The following CFAP91 variants were observed in gnomAD, a reference collection of about 807,000 sequenced individuals.
CFAP91 encodes the protein cilia and flagella associated protein 91.
CFAP91 carries 85 observed loss-of-function variants against 95.9 expected under a neutral mutation model. The ratio of observed to expected loss-of-function variants is 0.89; its 90% confidence interval spans 0.74 to 1.06. CFAP91 has a LOEUF of 1.06. CFAP91 is among the 50% of genes least tolerant of loss of function. CFAP91 has a pLI of 0.00. For missense variants in CFAP91, 962 were observed against 943.4 expected (o/e 1.02, Z -0.26); for synonymous variants, 335 against 327.5 (o/e 1.02, Z -0.25).
In CFAP91 at chr3:119,738,330, G is replaced by GTTTTTTTTTTTTTTTTTTTTTTT. The variant is rs1559761130; in HGVS notation, c.1461+849_1461+850insTTTTTTTTTTTTTTTTTTTTTTT. Among the ~76,000 whole-genome samples the GTTTTTTTTTTTTTTTTTTTTTTT allele has an allele frequency of 2.1e-4, 5 of 23,728 alleles. 1 individual carries two copies. Among genetic ancestry groups the GTTTTTTTTTTTTTTTTTTTTTTT allele is most frequent in the Non-Finnish European group, 4.9e-4 (4 of 8,206 alleles). The allele number at this position is 23,728 out of a possible 152,430, so 15.6% of individuals were successfully genotyped here. A position where few individuals can be genotyped will look rare whatever the true frequency, so the allele number is the denominator to read the frequency against. On this transcript the variant is annotated intron_variant, in intron 11 of 17. Coordinates refer to ENST00000273390, the MANE Select transcript of CFAP91 (RefSeq NM_033364.4). The stretch of plus-strand genomic sequence containing the variant: ...TGTGCAGGGCTTTGGTTGACATATT[G>GTTTTTTTTTTTTTTTTTTTTTTT]TCTTTTTTTTTTTTTTTTTTTTTTT...
rs777918682 is a variant in CFAP91, at chr3:119,740,456, A to C, written c.1534-93A>C. On this transcript the variant is annotated intron_variant, in intron 12 of 17. Transcript: ENST00000273390. The stretch of plus-strand genomic sequence containing the variant: ...AAAGGCAGGACAGAACCCACTGTTC[A>C]CAAGTGTCTCACAAGTCACTGCGTG... 5 of 1,428,448 alleles carry C rather than the reference A, an allele frequency of 3.5e-6. No homozygotes were observed. In the Admixed American group the frequency reaches 7.9e-5, roughly 23 times the overall value. 88.5% of individuals were successfully genotyped at this position (1,428,448 alleles called of 1,614,324 possible). A position where few individuals can be genotyped will look rare whatever the true frequency, so the allele number is the denominator to read the frequency against.
intron 15 of CFAP91, 23 bp downstream of exon 15, chr3:119,747,286 G>A: frequency 6.2e-7 from 1 of 1,603,474 alleles, no homozygotes; most frequent in East Asian, 2.2e-5. Context: ...AGAACAGATT[G>A]TAGAATGGAC....
In CFAP91 at chr3:119,748,101, T is replaced by C. The variant is rs542170783; in HGVS notation, c.2143+199T>C. ...AATCAACTCTAGTACAGATGGGTTG[T>C]AGTTCTAATAAGAGTGACAGTATCA... On this transcript the variant is annotated intron_variant, in intron 16 of 17. Coordinates refer to ENST00000273390, the MANE Select transcript of CFAP91 (RefSeq NM_033364.4). Among the ~76,000 whole-genome samples the C allele has an allele frequency of 4.6e-5, 7 of 152,246 alleles. 1 individual carries two copies. In the South Asian group the frequency reaches 1.4e-3, roughly 31 times the overall value.
At chr3:119,741,643 C>G (rs767109956) in intron 13 of CFAP91, among the ~76,000 whole-genome samples, 1 of 152,146 alleles carries the variant, frequency 6.6e-6, no homozygotes, top group Non-Finnish European at 1.5e-5. Context: ...TTATTTTACT[C>G]CCTCTCCCAC....
chr3:119,737,273 T>C (rs1023563790), intron 10 of CFAP91, 93 bp from the exon 11 acceptor site: 1 of 696,994 alleles, frequency 1.4e-6, no homozygotes, highest in Admixed American at 2.5e-5. Flanking sequence ...CACCATTATG[T>C]AATACATTCA....
chr3:119,732,237 C>G (rs1345560151), intron 8 of CFAP91, 57 bp from the exon 9 acceptor site: 6 of 1,340,342 alleles, frequency 4.5e-6, no homozygotes, highest in Non-Finnish European at 6.2e-6. Context: ...TACTCTTCTG[C>G]ATTTGTAATT....
intron 6 of CFAP91, among the ~76,000 whole-genome samples, chr3:119,718,403 T>A (rs755340540): frequency 2.0e-5 from 3 of 152,108 alleles, no homozygotes; most frequent in Non-Finnish European, 2.9e-5. Flanking sequence ...TATTCCACAA[T>A]GCAACATATA....
intron 8 of CFAP91, among the ~76,000 whole-genome samples, chr3:119,730,686 C>T (rs2053880385): frequency 6.6e-6 from 1 of 150,506 alleles, no homozygotes; most frequent in African/African-American, 2.4e-5. Flanking sequence ...ATTCATGGTC[C>T]ACAGCCCTGG....
At chr3:119,749,197 T>C (rs908104087) in intron 16 of CFAP91, 2 of 152,036 alleles carry the variant, frequency 1.3e-5, no homozygotes, top group African/African-American at 2.4e-5. Context: ...CACCCTAGGA[T>C]TGAAAGAGAG....
intron 1 of CFAP91, among the ~76,000 whole-genome samples, chr3:119,704,379 A>G (rs1172034569): frequency 6.6e-6 from 1 of 152,224 alleles, no homozygotes; most frequent in Non-Finnish European, 1.5e-5. Context: ...GCCGCTAGTC[A>G]TGGACAGGAA....
chr3:119,742,243 T>C (rs1415206211), intron 13 of CFAP91, among the ~76,000 whole-genome samples: 1 of 152,164 alleles, frequency 6.6e-6, no homozygotes, highest in Non-Finnish European at 1.5e-5. Flanking sequence ...TCACTCTGCT[T>C]ACCTTCAGCT....
At chr3:119,727,083 C>G (rs80039978) in intron 7 of CFAP91, among the ~76,000 whole-genome samples, 1,726 of 152,284 alleles carry the variant, frequency 0.011, 41 homozygotes, top group African/African-American at 0.039. Context: ...TTATAACTCT[C>G]TAGCAAGAAC....
At chr3:119,763,170 C>T (rs992816979) in intron 17 of CFAP91, among the ~76,000 whole-genome samples, 12 of 151,978 alleles carry the variant, frequency 7.9e-5, no homozygotes, top group African/African-American at 2.2e-4. Flanking sequence ...CCTGAATAGA[C>T]ATTTCTCAAA....
rs1282938054 is a variant in CFAP91 at position 119,703,206 on chromosome 3, G to T, written c.108G>T (p.Ala36=). The part of the protein sequence containing the change: ...RAGSHISSNR[A]YDFLYDPLFI... Reference sequence around the variant, plus strand: ...GGAGCCACATCTCCTCCAATCGAGCGTATGATTTTCTGTACGGTAAGGACC... The same window carrying T: ...GGAGCCACATCTCCTCCAATCGAGCTTATGATTTTCTGTACGGTAAGGACC... Residue 36 remains alanine, a synonymous_variant, in exon 1 of 18, where the codon GCG becomes GCT. Transcript: ENST00000273390. 2 of 1,612,028 alleles carry T rather than the reference G, an allele frequency of 1.2e-6. No individual in the cohort carries two copies. The highest frequency in any genetic ancestry group is 1.7e-6 in the Non-Finnish European group (2 of 1,179,152).
intron 7 of CFAP91, 137 bp downstream of exon 7, chr3:119,726,485 C>T (rs932114784): frequency 2.4e-5 from 19 of 782,364 alleles, no homozygotes; most frequent in African/African-American, 2.2e-4. Context: ...ATTGGGCATC[C>T]GGTTCTTTCA....
chr3:119,734,342 G>A (rs935003061), intron 10 of CFAP91, among the ~76,000 whole-genome samples: 1 of 151,868 alleles, frequency 6.6e-6, no homozygotes, highest in African/African-American at 2.4e-5. Context: ...TATGTATATC[G>A]AGGTGGTTCT....
At chr3:119,764,929 C>T (rs941061823) in intron 17 of CFAP91, 123 bp from the exon 18 acceptor site, 4 of 152,164 alleles carry the variant, frequency 2.6e-5, no homozygotes, top group African/African-American at 9.7e-5. Context: ...ATGTGTGGGG[C>T]TGTCTGAGTT....
At chr3:119,740,835 T>TTG (rs57901016) in intron 13 of CFAP91, 140 bp downstream of exon 13, 157,922 of 510,412 alleles carry the variant, frequency 0.31, 13,539 homozygotes, top group Admixed American at 0.36. Flanking sequence ...CTGTCAGCAT[T>TTG]TGTGTGTGTG....
intron 17 of CFAP91, among the ~76,000 whole-genome samples, chr3:119,758,797 A>T (rs1447236543): frequency 1.3e-5 from 2 of 152,128 alleles, no homozygotes; most frequent in Admixed American, 1.3e-4. Context: ...CTCATTTTCA[A>T]AGATGAAATG....
Sources: allele counts gnomAD v4.1 joint callset (sites outside exome capture counted in the v4.1 genomes callset), GRCh38; gene constraint gnomAD v4.1.1; transcripts MANE v1.5; gene names NCBI Gene and HGNC (gene_info 2026-07-23, HGNC 2026-07-21).